ARHGAP24: variants seen among roughly 807,000 people sequenced by gnomAD.
ARHGAP24 encodes Rho GTPase activating protein 24, also known as rho GTPase-activating protein 24.
Under a neutral mutation model 76.4 loss-of-function variants are expected in ARHGAP24, and 50 were observed. The observed-to-expected ratio is 0.65, with a 90% CI of 0.52 to 0.83. ARHGAP24 has a LOEUF of 0.83. Among genes scored for constraint, ARHGAP24 ranks in the 40% least tolerant of loss-of-function variants. The pLI is 0.00. For missense variants in ARHGAP24, 930 were observed against 914.2 expected (o/e 1.02, Z -0.22); for synonymous variants, 345 against 323.3 (o/e 1.07, Z -0.72).
chr4:85,724,485 A>G (rs977589341), intron 3 of ARHGAP24, among the ~76,000 whole-genome samples: 14 of 46,018 alleles, frequency 3.0e-4, no homozygotes, highest in African/African-American at 1.2e-3. Context: ...TAATTTTTCC[A>G]TGTGTGTATA....
chr4:85,821,348 T>C (rs1450948583), intron 3 of ARHGAP24, among the ~76,000 whole-genome samples: 1 of 152,234 alleles, frequency 6.6e-6, no homozygotes, highest in African/African-American at 2.4e-5. Flanking sequence ...AATGATAACA[T>C]ATAATCCATA....
In ARHGAP24 at chr4:85,483,547, G is replaced by C. The variant is rs566210051; in HGVS notation, c.-21+7988G>C. ...GAATTGCTTGAACCCTGGAGGCGGA[G>C]GTTGCAGTGAGCCGAGATGGCGCCA... On this transcript the variant is annotated intron_variant, in intron 1 of 9. Coordinates refer to ENST00000395184, the MANE Select transcript of ARHGAP24 (RefSeq NM_001025616.3). Among the ~76,000 whole-genome samples the C allele has an allele frequency of 2.1e-3, 318 of 152,182 alleles. 2 individuals are homozygous for C. The highest frequency in any genetic ancestry group is 3.5e-3 in the Non-Finnish European group (240 of 68,020).
intron 3 of ARHGAP24, among the ~76,000 whole-genome samples, chr4:85,766,662 A>G (rs1726942045): frequency 6.6e-6 from 1 of 152,150 alleles, no homozygotes; most frequent in African/African-American, 2.4e-5. Context: ...AAACAGATGA[A>G]AAATCTGCTG....
At chr4:85,714,627 G>A (rs1724666823) in intron 2 of ARHGAP24, among the ~76,000 whole-genome samples, 1 of 152,030 alleles carries the variant, frequency 6.6e-6, no homozygotes, top group African/African-American at 2.4e-5. Flanking sequence ...ATTCTACAGT[G>A]TGTACGGCTT....
intron 2 of ARHGAP24, among the ~76,000 whole-genome samples, chr4:85,659,057 A>G (rs572543184): frequency 1.3e-5 from 2 of 152,282 alleles, no homozygotes; most frequent in South Asian, 4.2e-4. Flanking sequence ...GGAATATTTG[A>G]CAACGTCTGG....
chr4:85,803,759 T>C (rs1361921398), intron 3 of ARHGAP24, among the ~76,000 whole-genome samples: 1 of 152,170 alleles, frequency 6.6e-6, no homozygotes, highest in African/African-American at 2.4e-5. Flanking sequence ...ATTGTGGGAT[T>C]TACAGAATGT....
At chr4:85,571,380 C>G (rs1206601846) in intron 2 of ARHGAP24, among the ~76,000 whole-genome samples, 1 of 152,192 alleles carries the variant, frequency 6.6e-6, no homozygotes, top group Non-Finnish European at 1.5e-5. Flanking sequence ...ATAGTTGCAA[C>G]AGTTTTCTCA....
At chr4:85,836,619 C>CA (rs2110142239) in intron 3 of ARHGAP24, among the ~76,000 whole-genome samples, 1 of 152,232 alleles carries the variant, frequency 6.6e-6, no homozygotes, top group Non-Finnish European at 1.5e-5. Flanking sequence ...CAAATATGAC[C>CA]ACATTCTGAG....
chr4:85,811,570 T>G (rs2167718), intron 3 of ARHGAP24, among the ~76,000 whole-genome samples: 13,454 of 152,264 alleles, frequency 0.088, 704 homozygotes, highest in Middle Eastern at 0.21. Context: ...GTTTTATTTT[T>G]TATGCCATTA....
chr4:85,906,469 T>C (rs564576433), intron 3 of ARHGAP24, among the ~76,000 whole-genome samples: 1 of 152,348 alleles, frequency 6.6e-6, no homozygotes, highest in East Asian at 1.9e-4. Flanking sequence ...TCTGACATTT[T>C]GCTCATTATG....
Position 86,000,810 on chromosome 4 carries a change from C to G in ARHGAP24, c.*88C>G. 3 of 1,581,068 alleles carry G rather than the reference C, an allele frequency of 1.9e-6. No individual in the cohort carries two copies. Among genetic ancestry groups the G allele is most frequent in the Non-Finnish European group, 2.6e-6 (3 of 1,156,554 alleles). Reference sequence around the variant, plus strand: ...TGACTTAGAACCAGGTGGCTGGTCACCTGGATGTACAGAAGTCTAACTGGT... The same window carrying G: ...TGACTTAGAACCAGGTGGCTGGTCAGCTGGATGTACAGAAGTCTAACTGGT... On this transcript the variant is annotated 3_prime_UTR_variant, in exon 10 of 10. Coordinates refer to ENST00000395184, the MANE Select transcript of ARHGAP24 (RefSeq NM_001025616.3).
At chr4:85,918,936 A>G (rs993909806) in intron 3 of ARHGAP24, among the ~76,000 whole-genome samples, 1 of 152,156 alleles carries the variant, frequency 6.6e-6, no homozygotes, top group African/African-American at 2.4e-5. Flanking sequence ...ATGCGAACAA[A>G]TCTAGTATCA....
At chr4:85,982,469 G>T (rs1264499238) in intron 8 of ARHGAP24, among the ~76,000 whole-genome samples, 7 of 152,096 alleles carry the variant, frequency 4.6e-5, no homozygotes, top group African/African-American at 7.2e-5. Context: ...TCACGGGAAG[G>T]TCTCCCCATT....
rs1199698209 is a variant in ARHGAP24 at position 85,536,777 on chromosome 4, CTG to C, written c.-20-33743_-20-33742del. ...GAGGAAGAATTGTCTTTTGCTAAAA[CTG>C]TTAATGATAAATTCTCATTAGGTAA... On this transcript the variant is annotated intron_variant, in intron 1 of 9. Coordinates refer to ENST00000395184, the MANE Select transcript of ARHGAP24 (RefSeq NM_001025616.3). Among the ~76,000 whole-genome samples, 8 of 152,218 alleles carry C rather than the reference CTG, an allele frequency of 5.3e-5. No individual in the cohort carries two copies. The East Asian group carries it at 1.5e-3, about 29-fold the overall frequency.
At chr4:85,945,759 CA>C (rs35877734) in intron 5 of ARHGAP24, among the ~76,000 whole-genome samples, 7,040 of 62,520 alleles carry the variant, frequency 0.11, 328 homozygotes, top group African/African-American at 0.26. Context: ...GACTCAGCCT[CA>C]AAAAAAAAAA....
intron 5 of ARHGAP24, among the ~76,000 whole-genome samples, chr4:85,968,922 T>C (rs1738792291): frequency 1.3e-5 from 2 of 152,162 alleles, no homozygotes; most frequent in South Asian, 2.1e-4. Flanking sequence ...TTCTTCATCA[T>C]TTCTATATAA....
chr4:85,923,830 T>C (rs1450722715), intron 4 of ARHGAP24, 60 bp downstream of exon 4: 2 of 1,611,428 alleles, frequency 1.2e-6, no homozygotes, highest in Non-Finnish European at 1.7e-6. Context: ...TTCATCCCTT[T>C]CCCCCAGCGA....
intron 2 of ARHGAP24, among the ~76,000 whole-genome samples, chr4:85,715,859 T>C (rs1411201485): frequency 1.3e-5 from 2 of 152,108 alleles, no homozygotes; most frequent in African/African-American, 2.4e-5. Context: ...GGCCTCAGAC[T>C]TGCTACATGT....
chr4:85,867,907 A>ATATGTATG (rs372968277), intron 3 of ARHGAP24, among the ~76,000 whole-genome samples: 5 of 144,918 alleles, frequency 3.5e-5, no homozygotes, highest in Middle Eastern at 3.3e-3. Flanking sequence ...ACATATATAT[A>ATATGTATG]TACATATATG....
Sources: allele counts gnomAD v4.1 joint callset (sites outside exome capture counted in the v4.1 genomes callset), GRCh38; gene constraint gnomAD v4.1.1; transcripts MANE v1.5; gene names NCBI Gene and HGNC (gene_info 2026-07-23, HGNC 2026-07-21).